UTRN: variants seen among roughly 807,000 people sequenced by gnomAD.
The protein encoded by UTRN is dystrophin-related protein 1.
Under a neutral mutation model 463.9 loss-of-function variants are expected in UTRN, and 283 were observed. The observed-to-expected ratio is 0.61, with a 90% CI of 0.55 to 0.67. The LOEUF is 0.67. Ranked by LOEUF, UTRN falls within the 30% of genes least tolerant of loss-of-function variation. The pLI, the probability that UTRN is intolerant of heterozygous loss-of-function variation, is 0.00. For missense variants in UTRN, 3,922 were observed against 4,084.3 expected, an observed-to-expected ratio of 0.96 and a Z score of 1.08; for synonymous variants, 1,442 against 1,431.5, an observed-to-expected ratio of 1.01 and a Z score of -0.17.
At chr6:144,477,714 ATACTCTCATCTC>A (rs1482108180) in intron 25 of UTRN, among the ~76,000 whole-genome samples, 7 of 152,196 alleles carry the variant, frequency 4.6e-5, no homozygotes, top group African/African-American at 1.7e-4. Context: ...TAATAATGTT[ATACTCTCATCTC>A]TTATCCTAGC....
Position 144,336,966 on chromosome 6 carries a change from G to T in UTRN, c.79+45059G>T, listed in dbSNP as rs76678389. ...GCAGATTGGACCCTGTTTCTACCAA[G>T]TGGTGGCATCACTTGGCTTCCATGT... On this transcript the variant is annotated intron_variant, in intron 2 of 74. Coordinates refer to ENST00000367545, the MANE Select transcript of UTRN (RefSeq NM_007124.3). 3.6e-3 allele frequency among the ~76,000 whole-genome samples: 548 copies of T among 152,244 alleles called. 20 individuals are homozygous for T. In the East Asian group the frequency reaches 0.063, roughly 18 times the overall value.
intron 51 of UTRN, among the ~76,000 whole-genome samples, chr6:144,646,797 C>T (rs192545504): frequency 3.9e-5 from 6 of 152,132 alleles, no homozygotes; most frequent in East Asian, 1.9e-4. Context: ...CTCAGTGTAC[C>T]GAAAATCAAA....
chr6:144,514,124 G>T, intron 36 of UTRN, 87 bp downstream of exon 36: 1 of 1,523,990 alleles, frequency 6.6e-7, no homozygotes, highest in Non-Finnish European at 8.9e-7. Flanking sequence ...AAGTTACTTA[G>T]CTCTCATTCC....
rs564909236 is a variant in UTRN, at chr6:144,526,267, T to G, written c.5906+3079T>G. ...CTTTCTGTCTGGGTGACTTGTCTAG[T>G]GCTATCAGTGGAGTATTGAAGTCCA... On this transcript the variant is annotated intron_variant, in intron 41 of 74. Transcript: ENST00000367545. Among the ~76,000 whole-genome samples, 7 of 152,230 alleles carry G rather than the reference T, an allele frequency of 4.6e-5. No homozygotes were observed. The South Asian group carries it at 8.3e-4, about 18-fold the overall frequency.
chr6:144,332,153 A>G (rs1042071169), intron 2 of UTRN, among the ~76,000 whole-genome samples: 21 of 152,162 alleles, frequency 1.4e-4, no homozygotes, highest in Non-Finnish European at 2.2e-4. Context: ...ACCCACCTGA[A>G]GTAGATTTTG....
At chr6:144,474,793 A>G in intron 25 of UTRN, 34 bp downstream of exon 25, 2 of 1,602,956 alleles carry the variant, frequency 1.2e-6, no homozygotes, top group Non-Finnish European at 1.7e-6. Flanking sequence ...TACGGTTTTC[A>G]GGAGATGTAG....
In UTRN at chr6:144,297,571, T is replaced by C. The variant is rs190119140; in HGVS notation, c.79+5664T>C. On this transcript the variant is annotated intron_variant, in intron 2 of 74. Coordinates refer to ENST00000367545, the MANE Select transcript of UTRN (RefSeq NM_007124.3). Reference sequence around the variant, plus strand: ...GAAAAAATAGTTCATTTTTTGTTTCTCCTGAAGCTTTCCTTGGCTGGAATA... The same window carrying C: ...GAAAAAATAGTTCATTTTTTGTTTCCCCTGAAGCTTTCCTTGGCTGGAATA... Among the ~76,000 whole-genome samples the C allele has an allele frequency of 2.0e-4, 31 of 152,346 alleles. No homozygotes were observed. In the East Asian group the frequency reaches 4.4e-3, roughly 22 times the overall value.
chr6:144,730,646 C>T (rs1336623375), intron 54 of UTRN, among the ~76,000 whole-genome samples, 160 bp downstream of exon 54: 2 of 151,958 alleles, frequency 1.3e-5, no homozygotes, highest in Non-Finnish European at 2.9e-5. Context: ...TCACAGATAT[C>T]TAGATTCTTA....
intron 25 of UTRN, among the ~76,000 whole-genome samples, chr6:144,477,869 C>CTTTATCTATCTATCTA (rs150288402): frequency 8.3e-4 from 123 of 148,892 alleles, no homozygotes; most frequent in African/African-American, 2.6e-3. Context: ...AAGTTTGTAT[C>CTTTATCTATCTATCTA]TCTATCTATC....
chr6:144,549,819 A>T (rs1224535804), intron 47 of UTRN, among the ~76,000 whole-genome samples: 1 of 152,230 alleles, frequency 6.6e-6, no homozygotes, highest in Non-Finnish European at 1.5e-5. Context: ...TAAGAAATAC[A>T]GTGTGAAACA....
chr6:144,711,458 A>G (rs1325611628), intron 53 of UTRN, among the ~76,000 whole-genome samples: 3 of 152,212 alleles, frequency 2.0e-5, no homozygotes, highest in Non-Finnish European at 4.4e-5. Flanking sequence ...GAGGTCACTT[A>G]TATGCAACTT....
intron 40 of UTRN, 53 bp from the exon 41 acceptor site, chr6:144,522,962 TC>T: frequency 7.5e-7 from 1 of 1,328,420 alleles, no homozygotes; most frequent in Non-Finnish European, 1.0e-6. Flanking sequence ...CATCTGTGAT[TC>T]CTTTTTTTGT....
intron 60 of UTRN, among the ~76,000 whole-genome samples, chr6:144,779,831 A>G (rs1775658148): frequency 6.6e-6 from 1 of 152,160 alleles, no homozygotes; most frequent in Non-Finnish European, 1.5e-5. Flanking sequence ...TCTAACTCAT[A>G]TGAAGCTTAT....
intron 52 of UTRN, among the ~76,000 whole-genome samples, chr6:144,691,840 CTATTT>C (rs1312703003): frequency 6.6e-6 from 1 of 152,010 alleles, no homozygotes; most frequent in Non-Finnish European, 1.5e-5. Context: ...ACCACCTTGT[CTATTT>C]TATTTTATTT....
intron 2 of UTRN, among the ~76,000 whole-genome samples, chr6:144,362,695 C>T (rs1344185229): frequency 6.6e-6 from 1 of 152,236 alleles, no homozygotes; most frequent in Non-Finnish European, 1.5e-5. Flanking sequence ...TCTGCATCAA[C>T]ACCTGAATAG....
rs1255524764 is a variant in UTRN, at chr6:144,437,688, A to C, written c.1183A>C (p.Thr395Pro). ...AGAATTTGAGATTCAGGAACAGATG[A>C]CCCTGCTGAATGCTAGATGGGAGGC... Reference protein sequence around the residue: ...EEEFEIQEQMTLLNARWEALR... With the variant: ...EEEFEIQEQMPLLNARWEALR... Residue 395 changes from threonine to proline, a missense_variant, in exon 11 of 75, where the codon ACC becomes CCC. Thr to Pro is a conservative substitution (Grantham distance 38). Transcript: ENST00000367545. 1 of 1,614,030 alleles carries C rather than the reference A, an allele frequency of 6.2e-7. No homozygotes were observed.
chr6:144,670,096 G>A (rs953074570), intron 51 of UTRN, among the ~76,000 whole-genome samples: 2 of 152,040 alleles, frequency 1.3e-5, no homozygotes, highest in Non-Finnish European at 2.9e-5. Context: ...ACATTCCTGT[G>A]TACATGTCTT....
intron 2 of UTRN, among the ~76,000 whole-genome samples, chr6:144,335,942 T>A (rs745917094): frequency 1.3e-5 from 2 of 152,130 alleles, no homozygotes; most frequent in Non-Finnish European, 2.9e-5. Flanking sequence ...GATGATTATG[T>A]CTCATTCCCA....
intron 2 of UTRN, among the ~76,000 whole-genome samples, chr6:144,350,120 G>T (rs577437073): frequency 6.6e-6 from 1 of 152,122 alleles, no homozygotes; most frequent in African/African-American, 2.4e-5. Flanking sequence ...GAGCTGGGCA[G>T]GAATTCCTGT....
Sources: gnomAD v4.1 joint callset for allele counts (sites outside exome capture counted in the v4.1 genomes callset) on GRCh38, gnomAD v4.1.1 for gene constraint, MANE v1.5 for transcripts, NCBI Gene and HGNC (gene_info 2026-07-23, HGNC 2026-07-21) for gene names.